SUMF1: variants seen among roughly 807,000 people sequenced by gnomAD.
SUMF1 encodes the protein formylglycine-generating enzyme.
In SUMF1, 48 loss-of-function variants were observed where a neutral mutation model predicts 47.6. The ratio of observed to expected loss-of-function variants is 1.01; its 90% CI spans 0.80 to 1.28. The LOEUF is 1.28. Ranked by LOEUF, SUMF1 falls within the 50% of genes most tolerant of loss-of-function variation. SUMF1 has a pLI of 0.00. For missense variants in SUMF1, 571 were observed against 485.4 expected, an observed-to-expected ratio of 1.18 and a Z score of -1.66; for synonymous variants, 230 against 192.1, an observed-to-expected ratio of 1.20 and a Z score of -1.63.
At chr3:4,174,377 A>C (rs1013149701) in intron 8 of SUMF1, among the ~76,000 whole-genome samples, 1 of 133,222 alleles carries the variant, frequency 7.5e-6, no homozygotes, top group Non-Finnish European at 1.6e-5. Flanking sequence ...AAAAAAAAAA[A>C]TTATGGTTAC....
chr3:4,040,306 T>A (rs1694886063), intron 9 of SUMF1, among the ~76,000 whole-genome samples: 1 of 152,164 alleles, frequency 6.6e-6, no homozygotes, highest in African/African-American at 2.4e-5. Context: ...CTAGGCTCCT[T>A]ATAACCTACT....
intron 8 of SUMF1, among the ~76,000 whole-genome samples, chr3:4,188,496 C>T (rs984799835): frequency 2.0e-5 from 3 of 152,162 alleles, no homozygotes; most frequent in Non-Finnish European, 4.4e-5. Flanking sequence ...TTTTCATACA[C>T]ATGTTCTCTC....
chr3:4,452,385 A>C (rs1703004476), intron 2 of SUMF1, among the ~76,000 whole-genome samples: 1 of 152,244 alleles, frequency 6.6e-6, no homozygotes, highest in African/African-American at 2.4e-5. Flanking sequence ...AAGGTGTTGG[A>C]ATAAAGACAC....
intron 9 of SUMF1, among the ~76,000 whole-genome samples, chr3:4,047,917 C>T (rs567092785): frequency 9.9e-5 from 15 of 152,096 alleles, no homozygotes; most frequent in Admixed American, 2.0e-4. Flanking sequence ...ATGCTTTTAT[C>T]ATTTCATCTT....
rs575726572 is a variant in SUMF1 at position 4,296,118 on chromosome 3, T to A, written c.1014+80212A>T. ...AAATGACCCATATGCCTTTGCTTTT[T>A]TAAAAAAAAAACAATACTGGGTATG... On this transcript the variant is annotated intron_variant and NMD_transcript_variant, in intron 8 of 12. Coordinates refer to the SUMF1 transcript ENST00000448413. Among the ~76,000 whole-genome samples the A allele has an allele frequency of 1.3e-3, 192 of 150,304 alleles. 1 individual carries two copies. Among genetic ancestry groups the A allele is most frequent in the African/African-American group, 4.3e-3 (176 of 41,116 alleles).
chr3:4,136,173 T>A (rs1252335838), intron 8 of SUMF1, among the ~76,000 whole-genome samples: 1 of 152,032 alleles, frequency 6.6e-6, no homozygotes, highest in Non-Finnish European at 1.5e-5. Flanking sequence ...GCCAAGACAA[T>A]CCTAAGCCAA....
chr3:4,466,846 C>G (rs1038232186), intron 1 of SUMF1, 130 bp downstream of exon 1: 2 of 1,370,794 alleles, frequency 1.5e-6, no homozygotes, highest in East Asian at 5.1e-5. Flanking sequence ...CATACGGGAA[C>G]AGCAGGTGCT....
At chr3:4,103,897 A>C (rs17039906) in intron 8 of SUMF1, among the ~76,000 whole-genome samples, 18,228 of 152,100 alleles carry the variant, frequency 0.12, 2,191 homozygotes, top group African/African-American at 0.29. Flanking sequence ...CCCTCCAATT[A>C]CCTCACACAT....
At chr3:4,140,985 C>T (rs183458935) in intron 8 of SUMF1, among the ~76,000 whole-genome samples, 6 of 152,266 alleles carry the variant, frequency 3.9e-5, no homozygotes, top group African/African-American at 1.4e-4. Context: ...CATGAGTTTT[C>T]ACATGATAAG....
intron 8 of SUMF1, among the ~76,000 whole-genome samples, chr3:4,272,282 C>G (rs1697319756): frequency 6.6e-6 from 1 of 152,178 alleles, no homozygotes. Context: ...CTCTGGCGGA[C>G]TGGAGGAAAA....
intron 8 of SUMF1, among the ~76,000 whole-genome samples, chr3:4,242,474 T>C (rs1460192744): frequency 6.6e-6 from 1 of 152,208 alleles, no homozygotes; most frequent in Non-Finnish European, 1.5e-5. Context: ...TGAGAATTTT[T>C]AGCATGAAAC....
At chr3:4,328,015 A>G (rs957029310) in intron 8 of SUMF1, among the ~76,000 whole-genome samples, 4 of 152,174 alleles carry the variant, frequency 2.6e-5, no homozygotes, top group African/African-American at 9.7e-5. Context: ...TAGGAATTCA[A>G]GACCAGCTTG....
intron 8 of SUMF1, among the ~76,000 whole-genome samples, chr3:4,277,213 T>C (rs112440453): frequency 1.3e-5 from 2 of 152,094 alleles, no homozygotes; most frequent in South Asian, 2.1e-4. Context: ...CTAGGAACCA[T>C]TGATATAGTC....
chr3:4,101,630 AAG>A (rs1174667431), intron 8 of SUMF1, among the ~76,000 whole-genome samples: 3 of 152,084 alleles, frequency 2.0e-5, no homozygotes, highest in Non-Finnish European at 2.9e-5. Context: ...AAGTAGCTAA[AAG>A]AGAGTATTTT....
At chr3:4,174,070 A>G (rs1343839939) in intron 8 of SUMF1, among the ~76,000 whole-genome samples, 1 of 152,080 alleles carries the variant, frequency 6.6e-6, no homozygotes, top group Non-Finnish European at 1.5e-5. Context: ...AATTATGGTT[A>G]CCCAGGCCAG....
At chr3:4,049,762 G>A (rs946324419) in intron 9 of SUMF1, among the ~76,000 whole-genome samples, 2 of 152,228 alleles carry the variant, frequency 1.3e-5, no homozygotes. Context: ...TTTTCACAAT[G>A]GCAGAGGGCC....
chr3:4,057,803 T>G (rs1199262075), intron 9 of SUMF1, among the ~76,000 whole-genome samples: 1 of 152,138 alleles, frequency 6.6e-6, no homozygotes, highest in Non-Finnish European at 1.5e-5. Context: ...GGATAGATTA[T>G]TTTTAACAAC....
chr3:4,421,870 T>G (rs991384334), intron 3 of SUMF1, among the ~76,000 whole-genome samples: 1 of 152,180 alleles, frequency 6.6e-6, no homozygotes. Flanking sequence ...TTTGATTGTT[T>G]TCATCCTTTT....
intron 6 of SUMF1, among the ~76,000 whole-genome samples, chr3:4,415,584 G>A (rs567337046): frequency 1.5e-4 from 23 of 152,240 alleles, no homozygotes; most frequent in East Asian, 7.7e-4. Flanking sequence ...AGGCTGAGGC[G>A]GGAGGATCGC....
Sources: allele counts gnomAD v4.1 joint callset (sites outside exome capture counted in the v4.1 genomes callset), GRCh38; gene constraint gnomAD v4.1.1; transcripts MANE v1.5; gene names NCBI Gene and HGNC (gene_info 2026-07-23, HGNC 2026-07-21).